TTC28: variants seen among roughly 807,000 people sequenced by gnomAD.
TTC28 encodes the protein tetratricopeptide repeat protein 28.
Under a neutral mutation model 198.0 loss-of-function variants are expected in TTC28, and 61 were observed. The observed-to-expected ratio is 0.31, with a 90% CI of 0.25 to 0.38. The LOEUF (loss-of-function observed/expected upper bound fraction) is 0.38. Among genes scored for constraint, TTC28 ranks in the 10% least tolerant of loss-of-function variants. TTC28 has a pLI of 1.00. For missense variants in TTC28, 2,678 were observed against 3,164.0 expected, an observed-to-expected ratio of 0.85 and a Z score of 3.69; for synonymous variants, 1,171 against 1,297.8, an observed-to-expected ratio of 0.90 and a Z score of 2.10.
intron 2 of TTC28, among the ~76,000 whole-genome samples, chr22:28,467,031 T>C (rs16986462): frequency 0.08 from 12,135 of 152,280 alleles, 800 homozygotes; most frequent in African/African-American, 0.18. Flanking sequence ...ACTTTGTTAA[T>C]ATAAATCATG....
chr22:28,491,540 C>T (rs1285144517), intron 2 of TTC28, among the ~76,000 whole-genome samples: 1 of 152,128 alleles, frequency 6.6e-6, no homozygotes, highest in African/African-American at 2.4e-5. Flanking sequence ...CAAAGAAATG[C>T]AAATCAAAAC....
chr22:28,147,985 CA>C (rs1943508580), intron 6 of TTC28, among the ~76,000 whole-genome samples: 1 of 152,258 alleles, frequency 6.6e-6, no homozygotes, highest in South Asian at 2.1e-4. Flanking sequence ...AAAGAAGAAA[CA>C]GTGTGATATC....
intron 2 of TTC28, among the ~76,000 whole-genome samples, chr22:28,596,581 AT>A (rs1362350407): frequency 6.6e-6 from 1 of 152,178 alleles, no homozygotes; most frequent in Non-Finnish European, 1.5e-5. Flanking sequence ...GTGAAAAGTT[AT>A]TTTATAATTA....
intron 2 of TTC28, among the ~76,000 whole-genome samples, chr22:28,361,129 T>A (rs780687727): frequency 2.0e-5 from 3 of 152,158 alleles, no homozygotes; most frequent in Non-Finnish European, 4.4e-5. Flanking sequence ...CCTCTAAGTG[T>A]TCAAGTGAAA....
intron 2 of TTC28, among the ~76,000 whole-genome samples, chr22:28,536,400 G>A (rs866683076): frequency 2.6e-5 from 4 of 151,340 alleles, no homozygotes; most frequent in African/African-American, 9.7e-5. Context: ...CGAGGCGGGC[G>A]GATCACGAGG....
At chr22:28,316,393 T>A (rs2045352688) in intron 2 of TTC28, among the ~76,000 whole-genome samples, 1 of 152,200 alleles carries the variant, frequency 6.6e-6, no homozygotes, top group Non-Finnish European at 1.5e-5. Flanking sequence ...GCATCCAACT[T>A]TTTCTTTTCA....
intron 1 of TTC28, among the ~76,000 whole-genome samples, chr22:28,638,542 C>T (rs1373728344): frequency 1.3e-5 from 2 of 151,964 alleles, no homozygotes; most frequent in Non-Finnish European, 2.9e-5. Flanking sequence ...AAATGCAACA[C>T]ATGATAAATG....
intron 2 of TTC28, among the ~76,000 whole-genome samples, chr22:28,414,562 G>A (rs947696549): frequency 2.0e-5 from 3 of 152,138 alleles, no homozygotes; most frequent in African/African-American, 7.2e-5. Context: ...CAGAGATGAA[G>A]TGGCAATGTA....
At position 27,988,281 on chromosome 22, in the gene TTC28, C is replaced by CTTTTT. The variant is rs138641; in HGVS notation, c.5707+1592_5707+1596dup. 1.1e-3 allele frequency among the ~76,000 whole-genome samples: 114 copies of CTTTTT among 99,422 alleles called. 1 individual carries two copies. The highest frequency in any genetic ancestry group is 3.5e-3 in the African/African-American group (87 of 24,892). The allele number at this position is 99,422 out of a possible 152,430, so 65.2% of individuals were successfully genotyped here. On this transcript the variant is annotated intron_variant, in intron 21 of 22. Coordinates refer to ENST00000397906, the MANE Select transcript of TTC28 (RefSeq NM_001145418.2). The stretch of plus-strand genomic sequence containing the variant: ...GGGACCCCGAGCGAGAAGAAGCTTG[C>CTTTTT]TTTTTTTTTTTTTTTTTTTTTGAGA...
At chr22:28,119,475 G>T (rs144139454) in intron 6 of TTC28, among the ~76,000 whole-genome samples, 2 of 152,344 alleles carry the variant, frequency 1.3e-5, no homozygotes, top group East Asian at 1.9e-4. Context: ...AAAACTGTGG[G>T]CTCTGAGAAT....
intron 2 of TTC28, among the ~76,000 whole-genome samples, chr22:28,383,034 CCT>C (rs1206369103): frequency 2.0e-5 from 3 of 152,150 alleles, no homozygotes; most frequent in Non-Finnish European, 4.4e-5. Context: ...AAAAGATTGT[CCT>C]CTTTTGACCT....
intron 12 of TTC28, among the ~76,000 whole-genome samples, chr22:28,038,395 C>T (rs1258495613): frequency 1.3e-5 from 2 of 152,162 alleles, no homozygotes; most frequent in Non-Finnish European, 2.9e-5. Context: ...CTTTGACAAA[C>T]CTGACAAAGA....
intron 2 of TTC28, among the ~76,000 whole-genome samples, chr22:28,561,539 C>A (rs1367660476): frequency 6.6e-6 from 1 of 152,194 alleles, no homozygotes; most frequent in Non-Finnish European, 1.5e-5. Flanking sequence ...GTGTCTAGAA[C>A]AGCACTTGAC....
chr22:28,484,266 C>G (rs925700130), intron 2 of TTC28, among the ~76,000 whole-genome samples: 1 of 152,050 alleles, frequency 6.6e-6, no homozygotes, highest in Non-Finnish European at 1.5e-5. Flanking sequence ...TGCTACCATG[C>G]CAGGCTAATT....
chr22:28,033,326 C>G (rs532225833), intron 12 of TTC28, among the ~76,000 whole-genome samples: 3 of 152,286 alleles, frequency 2.0e-5, no homozygotes, highest in South Asian at 2.1e-4. Flanking sequence ...GTAGGAGTCC[C>G]TAGTGCCTTG....
intron 1 of TTC28, among the ~76,000 whole-genome samples, chr22:28,669,850 A>T (rs1390488225): frequency 3.3e-5 from 5 of 152,184 alleles, no homozygotes; most frequent in African/African-American, 1.2e-4. Flanking sequence ...TATTTCCCAA[A>T]ATATACCCAA....
chr22:28,322,860 T>C (rs188525643), intron 2 of TTC28, among the ~76,000 whole-genome samples: 8 of 152,290 alleles, frequency 5.3e-5, no homozygotes, highest in Admixed American at 3.3e-4. Flanking sequence ...AAGAATCTGT[T>C]TCTTGCTTCT....
intron 6 of TTC28, among the ~76,000 whole-genome samples, chr22:28,159,929 T>TTA (rs1920991924): frequency 6.6e-6 from 1 of 152,192 alleles, no homozygotes; most frequent in African/African-American, 2.4e-5. Context: ...TTGATGGTCA[T>TTA]TATGTCAAGT....
intron 8 of TTC28, 56 bp downstream of exon 8, chr22:28,105,223 G>C: frequency 6.6e-7 from 1 of 1,511,740 alleles, no homozygotes; most frequent in Non-Finnish European, 8.9e-7. Context: ...CTTGAGTTCT[G>C]ACTCTGAACT....
Sources: allele counts gnomAD v4.1 joint callset (sites outside exome capture counted in the v4.1 genomes callset), GRCh38; gene constraint gnomAD v4.1.1; transcripts MANE v1.5; gene names NCBI Gene and HGNC (gene_info 2026-07-23, HGNC 2026-07-21).